TNR: variants seen among roughly 807,000 people sequenced by gnomAD.
The protein encoded by TNR is tenascin R, also known as tenascin-R.
TNR carries 45 observed loss-of-function variants against 150.4 expected under a neutral mutation model. That is an observed-to-expected ratio of 0.30 (90% CI 0.24 to 0.38). The LOEUF (loss-of-function observed/expected upper bound fraction) is 0.38. Among genes scored for constraint, TNR ranks in the 10% least tolerant of loss-of-function variants. The probability of loss-of-function intolerance (pLI) is 1.00; values close to 1 mark genes in which losing one functional copy is unlikely to be tolerated. For missense variants in TNR, 1,544 were observed against 1,759.1 expected (o/e 0.88, Z 2.19); for synonymous variants, 687 against 678.4 (o/e 1.01, Z -0.20).
At chr1:175,341,718 T>C (rs1033860617) in intron 18 of TNR, among the ~76,000 whole-genome samples, 3 of 152,254 alleles carry the variant, frequency 2.0e-5, no homozygotes, top group Admixed American at 2.0e-4. Flanking sequence ...GCATCAGGAC[T>C]GAAGCCACAA....
rs1325877031 is a variant in TNR at position 175,668,415 on chromosome 1, C to T, written c.-165+74811G>A. On this transcript the variant is annotated intron_variant, in intron 1 of 22. Transcript: ENST00000367674. The stretch of plus-strand genomic sequence containing the variant: ...CCTGCCAACTGCTGTGTCCCTGCAC[C>T]GCAACCCATGCCTGCAATCTGGCAT... Among the ~76,000 whole-genome samples, 6 of 152,054 alleles carry T rather than the reference C, an allele frequency of 3.9e-5. No homozygotes were observed. In the South Asian group the frequency reaches 6.2e-4, roughly 16 times the overall value.
intron 1 of TNR, among the ~76,000 whole-genome samples, chr1:175,722,737 G>A (rs1004912159): frequency 1.3e-5 from 2 of 151,370 alleles, no homozygotes; most frequent in Non-Finnish European, 2.9e-5. Context: ...AGTGCTGGGG[G>A]ATTACAGGCA....
intron 2 of TNR, among the ~76,000 whole-genome samples, chr1:175,414,672 C>T (rs1654356405): frequency 6.6e-6 from 1 of 152,114 alleles, no homozygotes; most frequent in East Asian, 1.9e-4. Context: ...TGCTCACTCC[C>T]CTCTAGGGAG....
intron 1 of TNR, among the ~76,000 whole-genome samples, chr1:175,675,644 A>T (rs1262957320): frequency 6.6e-6 from 1 of 152,216 alleles, no homozygotes; most frequent in African/African-American, 2.4e-5. Flanking sequence ...TCATAGGTAC[A>T]TGACCTGAAC....
At chr1:175,374,596 G>A (rs940661558) in intron 9 of TNR, among the ~76,000 whole-genome samples, 2 of 152,208 alleles carry the variant, frequency 1.3e-5, no homozygotes, top group Middle Eastern at 3.2e-3. Flanking sequence ...CTGGCTGTAA[G>A]TCTCTGTTTT....
intron 18 of TNR, among the ~76,000 whole-genome samples, chr1:175,338,201 G>A (rs117711169): frequency 6.6e-6 from 1 of 152,154 alleles, no homozygotes; most frequent in African/African-American, 2.4e-5. Context: ...AACAAGCTCG[G>A]CATTAGCAAG....
rs1181383137 is a variant in TNR at position 175,367,218 on chromosome 1, A to G, written c.2043T>C (p.Asn681=). 1 of 1,614,018 alleles carries G rather than the reference A, an allele frequency of 6.2e-7. No individual in the cohort carries two copies. Among genetic ancestry groups the G allele is most frequent in the Non-Finnish European group, 8.5e-7 (1 of 1,180,002 alleles). The change falls in exon 10 of 23, where the codon AAT becomes AAC. Residue 681 remains asparagine, a synonymous_variant. Transcript: ENST00000367674. The part of the protein sequence containing the change: ...NSQQSVPATM[N]ARTELDSPRD... ...AGTCCTCCTACTCACCAGTCCTGGC[A>G]TTCATGGTGGCTGGCACGCTTTGCT...
At chr1:175,452,719 C>T (rs988509724) in intron 2 of TNR, among the ~76,000 whole-genome samples, 1 of 152,160 alleles carries the variant, frequency 6.6e-6, no homozygotes, top group Non-Finnish European at 1.5e-5. Context: ...GTGACGGGAA[C>T]TGATTTGTAT....
rs753593418 is a variant in TNR at position 175,367,251 on chromosome 1, C to T, written c.2010G>A (p.Met670Ile). ...TEYGVGISAVMNSQQSVPATM... is the reference protein window; with the variant it reads ...TEYGVGISAVINSQQSVPATM... ...TGGCTGGCACGCTTTGCTGTGAGTT[C>T]ATGACGGCAGATATTCCAACTCCAT... The change falls in exon 10 of 23, where the codon ATG becomes ATA. Residue 670 changes from methionine (M) to isoleucine (I), a missense_variant. Physicochemically the swap from Met to Ile is conservative, Grantham distance 10. Coordinates refer to ENST00000367674, the MANE Select transcript of TNR (RefSeq NM_003285.3). 5.0e-6 allele frequency: 8 copies of T among 1,614,166 alleles called. No individual in the cohort carries two copies. Among genetic ancestry groups the T allele is most frequent in the Non-Finnish European group, 6.8e-6 (8 of 1,180,012 alleles).
chr1:175,480,862 CT>C, intron 2 of TNR, among the ~76,000 whole-genome samples: 1 of 152,064 alleles, frequency 6.6e-6, no homozygotes, highest in East Asian at 1.9e-4. Context: ...ATTGTACTAC[CT>C]CATGTTAGAA....
intron 1 of TNR, among the ~76,000 whole-genome samples, chr1:175,715,637 A>C (rs1667135978): frequency 6.6e-6 from 1 of 152,194 alleles, no homozygotes; most frequent in South Asian, 2.1e-4. Context: ...GTACCATGGG[A>C]TGATGCTGGG....
At chr1:175,408,015 G>A (rs1272910556) in intron 2 of TNR, among the ~76,000 whole-genome samples, 1 of 152,148 alleles carries the variant, frequency 6.6e-6, no homozygotes, top group Non-Finnish European at 1.5e-5. Flanking sequence ...TTCTCCATAA[G>A]CATTTGTCTC....
intron 1 of TNR, among the ~76,000 whole-genome samples, chr1:175,602,203 C>CAAAAAAAAAAAAAAA (rs57341654): frequency 6.6e-5 from 2 of 30,532 alleles, no homozygotes; most frequent in Non-Finnish European, 7.1e-5. Context: ...GGACCAAAGG[C>CAAAAAAAAAAAAAAA]AAAAAAAAAA....
At chr1:175,550,413 C>A (rs1038963967) in intron 1 of TNR, among the ~76,000 whole-genome samples, 2 of 152,144 alleles carry the variant, frequency 1.3e-5, no homozygotes, top group African/African-American at 4.8e-5. Flanking sequence ...ACATCTGTCA[C>A]AAAGAATAGT....
At chr1:175,490,236 A>G (rs557072182) in intron 2 of TNR, among the ~76,000 whole-genome samples, 1 of 152,366 alleles carries the variant, frequency 6.6e-6, no homozygotes, top group African/African-American at 2.4e-5. Context: ...GGTGAATTAA[A>G]GACTTAAATG....
intron 9 of TNR, 54 bp downstream of exon 9, chr1:175,379,498 G>A (rs1196999752): frequency 2.0e-6 from 3 of 1,523,298 alleles, no homozygotes; most frequent in African/African-American, 1.4e-5. Context: ...GGAGACAGCT[G>A]TGAGGGTATA....
intron 2 of TNR, among the ~76,000 whole-genome samples, chr1:175,504,350 A>C (rs1411375991): frequency 1.3e-5 from 2 of 152,080 alleles, no homozygotes; most frequent in African/African-American, 4.8e-5. Flanking sequence ...AGATGTGGAC[A>C]CTGAGGCTTC....
intron 1 of TNR, among the ~76,000 whole-genome samples, chr1:175,684,817 T>C (rs188128528): frequency 8.5e-5 from 13 of 152,334 alleles, no homozygotes; most frequent in African/African-American, 3.1e-4. Context: ...CCGAAGTCTA[T>C]GGGAAAGAAC....
chr1:175,397,753 T>G (rs1052221720), intron 4 of TNR, among the ~76,000 whole-genome samples: 1 of 152,250 alleles, frequency 6.6e-6, no homozygotes, highest in Non-Finnish European at 1.5e-5. Flanking sequence ...TTTACTTTCT[T>G]CTGATTTCTC....
Sources: gnomAD v4.1 joint callset for allele counts (sites outside exome capture counted in the v4.1 genomes callset) on GRCh38, gnomAD v4.1.1 for gene constraint, MANE v1.5 for transcripts, NCBI Gene and HGNC (gene_info 2026-07-23, HGNC 2026-07-21) for gene names.